The following DOK6 variants were observed in gnomAD, a reference collection of about 807,000 sequenced individuals.
The protein encoded by DOK6 is docking protein 6, also known as downstream of tyrosine kinase 6.
A neutral mutation model predicts 44.0 loss-of-function variants in DOK6; 22 were observed. The ratio of observed to expected loss-of-function variants is 0.50; its 90% CI spans 0.36 to 0.71. The LOEUF (loss-of-function observed/expected upper bound fraction) is 0.71, where lower values mean the gene tolerates loss of function less well. DOK6 is among the 30% of genes least tolerant of loss of function. The probability of loss-of-function intolerance (pLI) is 0.00; values close to 1 mark genes in which losing one functional copy is unlikely to be tolerated. For synonymous variants in DOK6, 166 were observed against 145.5 expected, an observed-to-expected ratio of 1.14 and a Z score of -1.01; for missense variants, 340 against 416.4, an observed-to-expected ratio of 0.82 and a Z score of 1.60.
chr18:69,451,689 G>A, intron 1 of DOK6, among the ~76,000 whole-genome samples: 1 of 90,526 alleles, frequency 1.1e-5, no homozygotes, highest in Non-Finnish European at 2.1e-5. Context: ...AAATGTAAAA[G>A]AACAGAAATT....
intron 7 of DOK6, among the ~76,000 whole-genome samples, chr18:69,782,962 A>T (rs1307758730): frequency 1.3e-5 from 2 of 152,164 alleles, no homozygotes; most frequent in African/African-American, 4.8e-5. Context: ...TAGCCCACGA[A>T]CTTTGGAAGA....
At chr18:69,748,201 A>G (rs1979051957) in intron 6 of DOK6, among the ~76,000 whole-genome samples, 1 of 152,220 alleles carries the variant, frequency 6.6e-6, no homozygotes, top group African/African-American at 2.4e-5. Flanking sequence ...TAACTATTCT[A>G]AATATGTACG....
chr18:69,401,091 G>C lies in DOK6; in HGVS notation c.-154G>C, dbSNP rs1916085152. ...GCGGCGGCCCTGCAGGCGACCCCGC[G>C]TCCCCACCGGCGGGAGCTCGGGGAA... is the stretch of plus-strand genomic sequence containing the variant. On this transcript the variant is annotated 5_prime_UTR_variant, in exon 1 of 8. Coordinates refer to ENST00000382713, the MANE Select transcript of DOK6 (RefSeq NM_152721.6). The C allele has an allele frequency of 1.6e-6, 1 of 614,142 alleles. No homozygotes were observed. The highest frequency in any genetic ancestry group is 2.3e-6 in the Non-Finnish European group (1 of 441,098). The allele number at this position is 614,142 out of a possible 1,614,324, so 38.0% of individuals were successfully genotyped here.
intron 7 of DOK6, among the ~76,000 whole-genome samples, chr18:69,791,944 G>T (rs1980613543): frequency 6.6e-6 from 1 of 152,050 alleles, no homozygotes; most frequent in Admixed American, 6.6e-5. Context: ...TGAGAGATAA[G>T]GATCTAGTTT....
intron 3 of DOK6, among the ~76,000 whole-genome samples, chr18:69,658,957 A>G (rs1985439405): frequency 1.3e-5 from 2 of 152,204 alleles, no homozygotes; most frequent in Admixed American, 1.3e-4. Flanking sequence ...ACAACACAAT[A>G]TTTTTGGTCT....
At chr18:69,438,440 T>C (rs1979045041) in intron 1 of DOK6, among the ~76,000 whole-genome samples, 1 of 152,216 alleles carries the variant, frequency 6.6e-6, no homozygotes, top group Admixed American at 6.6e-5. Context: ...CTTCTAATTT[T>C]AGTTATCTTG....
rs969726202 is a variant in DOK6 at position 69,401,096 on chromosome 18, C to G, written c.-149C>G. On this transcript the variant is annotated 5_prime_UTR_variant, in exon 1 of 8. Coordinates refer to ENST00000382713, the MANE Select transcript of DOK6 (RefSeq NM_152721.6). ...GGCCCTGCAGGCGACCCCGCGTCCCCACCGGCGGGAGCTCGGGGAAGAGCG... is the reference window on the plus strand; with the variant it reads ...GGCCCTGCAGGCGACCCCGCGTCCCGACCGGCGGGAGCTCGGGGAAGAGCG... The G allele has an allele frequency of 4.0e-5, 27 of 680,680 alleles. No homozygotes were observed. Among genetic ancestry groups the G allele is most frequent in the Admixed American group, 9.8e-5 (2 of 20,330 alleles). The allele number at this position is 680,680 out of a possible 1,614,324, so 42.2% of individuals were successfully genotyped here.
intron 6 of DOK6, among the ~76,000 whole-genome samples, chr18:69,755,552 C>T (rs1221014080): frequency 3.3e-5 from 5 of 152,148 alleles, no homozygotes; most frequent in African/African-American, 2.4e-5. Context: ...AAGTTTATGC[C>T]TCATATGGGA....
At chr18:69,811,174 A>G (rs1981212618) in intron 7 of DOK6, among the ~76,000 whole-genome samples, 1 of 152,144 alleles carries the variant, frequency 6.6e-6, no homozygotes, top group South Asian at 2.1e-4. Context: ...AACCTGGACA[A>G]TATTATGTTA....
chr18:69,748,401 C>A (rs1419098119), intron 6 of DOK6, among the ~76,000 whole-genome samples: 1 of 151,670 alleles, frequency 6.6e-6, no homozygotes, highest in Non-Finnish European at 1.5e-5. Flanking sequence ...GATAAACCCA[C>A]CCCCAAAACA....
At chr18:69,539,586 C>A (rs1415469958) in intron 1 of DOK6, among the ~76,000 whole-genome samples, 1 of 151,286 alleles carries the variant, frequency 6.6e-6, no homozygotes, top group African/African-American at 2.4e-5. Flanking sequence ...ACATATGTAT[C>A]CTGGATAGAT....
At chr18:69,796,222 G>A (rs8085346) in intron 7 of DOK6, among the ~76,000 whole-genome samples, 1 of 152,052 alleles carries the variant, frequency 6.6e-6, no homozygotes, top group South Asian at 2.1e-4. Flanking sequence ...CACAAACGAG[G>A]CTGACTTGCT....
At chr18:69,754,302 G>A (rs78746670) in intron 6 of DOK6, among the ~76,000 whole-genome samples, 1,420 of 140,782 alleles carry the variant, frequency 0.01, 65 homozygotes, top group East Asian at 0.09. Context: ...TGCAGTGAGC[G>A]AAGATTGCAC....
chr18:69,812,685 G>C lies in DOK6; in HGVS notation c.857-28559G>C, dbSNP rs975073521. On this transcript the variant is annotated intron_variant, in intron 7 of 7. Coordinates refer to ENST00000382713, the MANE Select transcript of DOK6 (RefSeq NM_152721.6). The stretch of plus-strand genomic sequence containing the variant: ...CACACTGCTAAAAACCTGAGATTGG[G>C]TAATTTATTTTAAAAAAGAAGTTTA... 2.0e-5 allele frequency among the ~76,000 whole-genome samples: 3 copies of C among 152,102 alleles called. No individual in the cohort carries two copies. The South Asian group carries it at 6.2e-4, about 32-fold the overall frequency.
At chr18:69,418,545 T>C (rs1978400057) in intron 1 of DOK6, among the ~76,000 whole-genome samples, 1 of 152,112 alleles carries the variant, frequency 6.6e-6, no homozygotes, top group Non-Finnish European at 1.5e-5. Flanking sequence ...TACTGTAACC[T>C]TGAATTCCTG....
intron 3 of DOK6, chr18:69,661,499 A>G (rs1340738217): frequency 6.6e-6 from 1 of 152,248 alleles, no homozygotes; most frequent in Non-Finnish European, 1.5e-5. Context: ...TCTCCTAGAT[A>G]GGAAATTGAA....
At chr18:69,793,790 G>A (rs1980665765) in intron 7 of DOK6, among the ~76,000 whole-genome samples, 1 of 151,806 alleles carries the variant, frequency 6.6e-6, no homozygotes, top group African/African-American at 2.4e-5. Context: ...CATCTAGAGA[G>A]AAAGAAATAA....
chr18:69,756,400 C>G (rs1261276640), intron 6 of DOK6, among the ~76,000 whole-genome samples: 1 of 152,018 alleles, frequency 6.6e-6, no homozygotes, highest in Non-Finnish European at 1.5e-5. Flanking sequence ...CAAAGAATGG[C>G]TGCAAAGTTA....
intron 7 of DOK6, among the ~76,000 whole-genome samples, chr18:69,836,856 T>G (rs1273619828): frequency 6.6e-6 from 1 of 152,152 alleles, no homozygotes; most frequent in South Asian, 2.1e-4. Context: ...AAATGAACAT[T>G]GAAAAAATGC....
Sources: gnomAD v4.1 joint callset for allele counts (sites outside exome capture counted in the v4.1 genomes callset) on GRCh38, gnomAD v4.1.1 for gene constraint, MANE v1.5 for transcripts, NCBI Gene and HGNC (gene_info 2026-07-23, HGNC 2026-07-21) for gene names.